Variants in PARD3B observed in about 807,000 individuals in gnomAD.
PARD3B encodes the protein par-3 family cell polarity regulator beta, also known as partitioning defective 3 homolog B.
A neutral mutation model predicts 130.2 loss-of-function variants in PARD3B; 103 were observed. That is an observed-to-expected ratio of 0.79 (90% confidence interval 0.67 to 0.93). The LOEUF (loss-of-function observed/expected upper bound fraction) is 0.93. Ranked by LOEUF, PARD3B falls within the 40% of genes least tolerant of loss-of-function variation. The pLI, the probability that PARD3B is intolerant of heterozygous loss-of-function variation, is 0.00. For synonymous variants in PARD3B, 583 were observed against 553.2 expected (o/e 1.05, Z -0.76); for missense variants, 1,609 against 1,499.2 (o/e 1.07, Z -1.21).
chr2:205,312,825 T>C (rs575025480), intron 18 of PARD3B, among the ~76,000 whole-genome samples: 1 of 152,214 alleles, frequency 6.6e-6, no homozygotes, highest in Non-Finnish European at 1.5e-5. Context: ...TTTTCCATTA[T>C]TACTATCACA....
At position 205,341,098 on chromosome 2, in the gene PARD3B, A is replaced by C. The variant is rs961618386; in HGVS notation, c.2630+39397A>C. 1.3e-5 allele frequency among the ~76,000 whole-genome samples: 2 copies of C among 152,058 alleles called. No individual in the cohort carries two copies. The highest frequency in any genetic ancestry group is 2.4e-5 in the African/African-American group (1 of 41,430). On this transcript the variant is annotated intron_variant, in intron 18 of 22. Coordinates refer to ENST00000406610, the MANE Select transcript of PARD3B (RefSeq NM_001302769.2). The surrounding 1 kb of genome is among the most constrained non-coding windows in gnomAD (Gnocchi z 4.3). Reference sequence around the variant, plus strand: ...ATGATCAAAAAAATAAAAAATAAAAAAATAAAAAATGCTAAAGAAAAGGGA... The same window carrying C: ...ATGATCAAAAAAATAAAAAATAAAACAATAAAAAATGCTAAAGAAAAGGGA...
In PARD3B at chr2:205,215,298, C is replaced by A. The variant is rs563113762; in HGVS notation, c.2140+21978C>A. ...TTGTTCTTTTTTTTTTTTAATTCAG[C>A]AACATCCTGTAAAGTTACTTGATTT... On this transcript the variant is annotated intron_variant, in intron 15 of 22. Coordinates refer to ENST00000406610, the MANE Select transcript of PARD3B (RefSeq NM_001302769.2). Among the ~76,000 whole-genome samples, 5 of 150,764 alleles carry A rather than the reference C, an allele frequency of 3.3e-5. No homozygotes were observed. In the South Asian group the frequency reaches 1.0e-3, roughly 32 times the overall value.
chr2:205,012,975 G>A (rs1244600623), intron 3 of PARD3B, among the ~76,000 whole-genome samples: 2 of 152,174 alleles, frequency 1.3e-5, no homozygotes, highest in Non-Finnish European at 2.9e-5. Context: ...TCTAGCATAA[G>A]CAGAAGAATA....
chr2:205,278,004 T>C (rs1171691451), intron 16 of PARD3B, among the ~76,000 whole-genome samples: 2 of 151,998 alleles, frequency 1.3e-5, no homozygotes, highest in Admixed American at 6.5e-5. Context: ...GGAATAAATA[T>C]ATTGTGAGAA....
intron 18 of PARD3B, among the ~76,000 whole-genome samples, chr2:205,361,625 G>T (rs1435360207): frequency 6.6e-6 from 1 of 152,152 alleles, no homozygotes; most frequent in Non-Finnish European, 1.5e-5. Flanking sequence ...GCCCCTTAAG[G>T]TAACGTCTTT....
intron 3 of PARD3B, among the ~76,000 whole-genome samples, chr2:204,983,334 A>T (rs1470563170): frequency 6.6e-6 from 1 of 151,478 alleles, no homozygotes; most frequent in African/African-American, 2.4e-5. Context: ...AACAACTGAC[A>T]TTTATGAAGG....
At chr2:204,732,894 C>T (rs1254640802) in intron 2 of PARD3B, among the ~76,000 whole-genome samples, 1 of 152,162 alleles carries the variant, frequency 6.6e-6, no homozygotes, top group Non-Finnish European at 1.5e-5. Flanking sequence ...TTTCTGCCTT[C>T]TGGACAGACT....
At chr2:204,693,615 G>T (rs1421393484) in intron 2 of PARD3B, among the ~76,000 whole-genome samples, 1 of 151,954 alleles carries the variant, frequency 6.6e-6, no homozygotes, top group Non-Finnish European at 1.5e-5. Flanking sequence ...AAAAAGTATT[G>T]CTTAAATCAT....
At chr2:205,101,565 C>T (rs963145748) in intron 4 of PARD3B, among the ~76,000 whole-genome samples, 1 of 152,076 alleles carries the variant, frequency 6.6e-6, no homozygotes, top group East Asian at 1.9e-4. Context: ...TATGTTCACA[C>T]AAGAACTTGT....
chr2:205,277,396 C>T (rs1389506421), intron 16 of PARD3B, among the ~76,000 whole-genome samples: 2 of 152,168 alleles, frequency 1.3e-5, no homozygotes, highest in Non-Finnish European at 2.9e-5. Flanking sequence ...GAGGATTAAA[C>T]TTGTGAATAC....
intron 2 of PARD3B, among the ~76,000 whole-genome samples, chr2:204,755,654 G>A (rs2040637740): frequency 6.6e-6 from 1 of 152,068 alleles, no homozygotes; most frequent in African/African-American, 2.4e-5. Flanking sequence ...CTGAATCACA[G>A]TTCAGAATAT....
Position 205,159,014 on chromosome 2 carries a change from G to C in PARD3B, c.1620+107G>C, listed in dbSNP as rs955930409. 5 of 1,206,818 alleles carry C rather than the reference G, an allele frequency of 4.1e-6. No individual in the cohort carries two copies. In the Admixed American group the frequency reaches 9.0e-5, roughly 22 times the overall value. The allele number at this position is 1,206,818 out of a possible 1,614,324, so 74.8% of individuals were successfully genotyped here. ...GTGTCTGAAGACTTGAGGCCACTGA[G>C]ACTTTCCCGCCAGATACAAAAAATA... On this transcript the variant is annotated intron_variant, in intron 11 of 22. Coordinates refer to ENST00000406610, the MANE Select transcript of PARD3B (RefSeq NM_001302769.2).
At chr2:204,697,131 T>G (rs1368397793) in intron 2 of PARD3B, among the ~76,000 whole-genome samples, 1 of 152,136 alleles carries the variant, frequency 6.6e-6, no homozygotes, top group Non-Finnish European at 1.5e-5. Flanking sequence ...ATAACAGGGA[T>G]AGAAGTTGAT....
In PARD3B at chr2:205,558,092, T is replaced by A. The variant is rs1461087994; in HGVS notation, c.3260+4689T>A. ...AAGAGAACATAGCAATCTACTGTGA[T>A]CTGAGTGATAAGCTGAGCTAATGGA... On this transcript the variant is annotated intron_variant, in intron 22 of 22. Transcript: ENST00000406610. The surrounding 1 kb of genome is among the most constrained non-coding windows in gnomAD (Gnocchi z 4.8). 2.6e-5 allele frequency among the ~76,000 whole-genome samples: 4 copies of A among 152,188 alleles called. No individual in the cohort carries two copies. Among genetic ancestry groups the A allele is most frequent in the Non-Finnish European group, 5.9e-5 (4 of 68,038 alleles).
intron 15 of PARD3B, among the ~76,000 whole-genome samples, chr2:205,224,549 G>A (rs968038957): frequency 6.9e-3 from 141 of 20,570 alleles, no homozygotes; most frequent in Admixed American, 0.019. Flanking sequence ...GAAGCCCCCC[G>A]CCCCCAACCC....
chr2:204,951,557 T>G (rs886617146), intron 2 of PARD3B, among the ~76,000 whole-genome samples: 16 of 152,240 alleles, frequency 1.1e-4, no homozygotes, highest in African/African-American at 3.9e-4. Context: ...CTTTGTGTAT[T>G]TATAATTAGA....
At chr2:205,093,380 A>T (rs1427958930) in intron 4 of PARD3B, among the ~76,000 whole-genome samples, 2 of 152,144 alleles carry the variant, frequency 1.3e-5, no homozygotes, top group Non-Finnish European at 2.9e-5. Context: ...CAAGGCAGAC[A>T]GACCTGTAAA....
At chr2:204,686,358 C>T (rs924435304) in intron 2 of PARD3B, 76 bp downstream of exon 2, 7 of 1,054,154 alleles carry the variant, frequency 6.6e-6, no homozygotes, top group Admixed American at 1.7e-5. Context: ...AAATCCTTAA[C>T]AAACTCATGT....
intron 2 of PARD3B, among the ~76,000 whole-genome samples, chr2:204,932,971 A>T (rs1044818876): frequency 6.6e-6 from 1 of 152,162 alleles, no homozygotes; most frequent in African/African-American, 2.4e-5. Flanking sequence ...GTATTATTCA[A>T]TTACCCAAAG....
Sources: allele counts gnomAD v4.1 joint callset (sites outside exome capture counted in the v4.1 genomes callset), GRCh38; gene constraint gnomAD v4.1.1; non-coding constraint Gnocchi (gnomAD v3.1); transcripts MANE v1.5; gene names NCBI Gene and HGNC (gene_info 2026-07-23, HGNC 2026-07-21).